CARD10: variants seen among roughly 807,000 people sequenced by gnomAD.
CARD10 encodes the protein caspase recruitment domain family member 10.
Under a neutral mutation model 114.6 loss-of-function variants are expected in CARD10, and 49 were observed. That is an observed-to-expected ratio of 0.43 (90% CI 0.34 to 0.54). The LOEUF is 0.54. Among genes scored for constraint, CARD10 ranks in the 20% least tolerant of loss-of-function variants. The pLI is 0.03. For missense variants in CARD10, 1,206 were observed against 1,397.2 expected (o/e 0.86, Z 2.18); for synonymous variants, 602 against 593.2 (o/e 1.01, Z -0.21).
chr22:37,507,768 T>C lies in CARD10; in HGVS notation c.1191+61A>G, dbSNP rs191498652. ...TTCTAGTCCCCTCCATTGCTCCTTG[T>C]CTCCTCCCATATGGGAAGCAGCAAC... is the stretch of plus-strand genomic sequence containing the variant. On this transcript the variant is annotated intron_variant, in intron 6 of 19. Coordinates refer to ENST00000251973, the MANE Select transcript of CARD10 (RefSeq NM_014550.4). 6 of 1,601,698 alleles carry C rather than the reference T, an allele frequency of 3.7e-6. No individual in the cohort carries two copies. The East Asian group carries it at 8.9e-5, about 24-fold the overall frequency.
In CARD10 at chr22:37,510,358, T is replaced by A. The variant is rs771698026; in HGVS notation, c.763A>T (p.Arg255Trp). 3.7e-6 allele frequency: 6 copies of A among 1,613,358 alleles called. No homozygotes were observed. The South Asian group carries it at 6.6e-5, about 18-fold the overall frequency. The stretch of plus-strand genomic sequence containing the variant: ...TCCTCTGCCCCAGGGGGCGGGCCCC[T>A]GGCCCTTCGAAGCAGTGCACACTCT... The part of the protein sequence containing the change: ...EEECALLRRA[R>W]GPPPGAEEKE... Residue 255 changes from arginine (R) to tryptophan (W), a missense_variant, in exon 4 of 20, where the codon AGG becomes TGG. Transcript: ENST00000251973.
chr22:37,514,405 G>T (rs1350592477), intron 3 of CARD10, among the ~76,000 whole-genome samples: 1 of 152,006 alleles, frequency 6.6e-6, no homozygotes, highest in East Asian at 1.9e-4. Context: ...AGCAGGCCTG[G>T]GACATGTCCC....
chr22:37,519,098 G>T lies in CARD10; in HGVS notation c.103C>A (p.Arg35=). 6.3e-7 allele frequency: 1 copy of T among 1,589,324 alleles called. No homozygotes were observed. Among genetic ancestry groups the T allele is most frequent in the South Asian group, 1.1e-5 (1 of 89,176 alleles). The part of the protein sequence containing the change: ...DALWERIEGV[R]HRLARALNPA... ...TTCAGGGCGCGAGCCAGCCGATGCC[G>T]GACGCCCTCGATTCGCTCCCACAGC... The change falls in exon 1 of 20, where the codon CGG becomes AGG. Residue 35 remains arginine, a synonymous_variant. Transcript: ENST00000251973. This position sits in a 1 kb window ranked among gnomAD's most constrained non-coding sequence, Gnocchi z 4.1.
chr22:37,505,860 C>T (rs1923386712), intron 7 of CARD10, among the ~76,000 whole-genome samples: 1 of 152,080 alleles, frequency 6.6e-6, no homozygotes, highest in Non-Finnish European at 1.5e-5. Flanking sequence ...TCTCTGAGGC[C>T]CAGGTTTTGC....
chr22:37,499,617 C>CT (rs902802340), intron 11 of CARD10, among the ~76,000 whole-genome samples: 1 of 152,078 alleles, frequency 6.6e-6, no homozygotes, highest in Non-Finnish European at 1.5e-5. Flanking sequence ...TTGACAACTC[C>CT]TGCAGCTCCC....
intron 3 of CARD10, among the ~76,000 whole-genome samples, chr22:37,515,403 A>G (rs1923804502): frequency 1.3e-5 from 2 of 151,930 alleles, no homozygotes; most frequent in African/African-American, 4.8e-5. Context: ...TCTCTACTAA[A>G]AATACAAAAA....
intron 6 of CARD10, 86 bp from the exon 7 acceptor site, chr22:37,506,469 AAGG>A: frequency 8.9e-6 from 9 of 1,006,626 alleles, no homozygotes; most frequent in Non-Finnish European, 1.3e-5. Flanking sequence ...TGGGGACAGT[AAGG>A]AGAATGGCAG....
chr22:37,495,421 G>A (rs1178182560), intron 15 of CARD10, 96 bp downstream of exon 15: 3 of 902,312 alleles, frequency 3.3e-6, no homozygotes, highest in Middle Eastern at 3.3e-4. Flanking sequence ...GAGGGAGGGA[G>A]TGTCTTCCTA....
At chr22:37,512,317 A>T (rs985480464) in intron 3 of CARD10, 1 of 152,126 alleles carries the variant, frequency 6.6e-6, no homozygotes, top group Non-Finnish European at 1.5e-5. Context: ...AGGCCATAAA[A>T]TGAAGTCATT....
intron 5 of CARD10, 141 bp downstream of exon 5, chr22:37,508,386 G>T: frequency 2.0e-6 from 2 of 984,372 alleles, no homozygotes; most frequent in Non-Finnish European, 2.9e-6. Context: ...CTAGAAGGGT[G>T]CCTCCGTCAA....
At chr22:37,508,439 G>C (rs778193016) in intron 5 of CARD10, 88 bp downstream of exon 5, 2 of 1,364,098 alleles carry the variant, frequency 1.5e-6, no homozygotes, top group Non-Finnish European at 2.0e-6. Context: ...CGGCGCCTGC[G>C]TCAAGCAGAT....
At position 37,519,159 on chromosome 22, in the gene CARD10, G is replaced by C; in HGVS notation, c.42C>G (p.Ala14=). 6.5e-7 allele frequency: 1 copy of C among 1,540,972 alleles called. No individual in the cohort carries two copies. The highest frequency in any genetic ancestry group is 8.7e-7 in the Non-Finnish European group (1 of 1,149,510). The change falls in exon 1 of 20, where the codon GCC becomes GCG. Residue 14 remains alanine (A), a synonymous_variant. Coordinates refer to ENST00000251973, the MANE Select transcript of CARD10 (RefSeq NM_014550.4). This position sits in a 1 kb window ranked among gnomAD's most constrained non-coding sequence, Gnocchi z 4.1. ...RAEAGEAEEE[A]GAGSGSEAEE... ...CCGCCTCAGACCCCGAGCCGGCCCC[G>C]GCCTCCTCCTCGGCCTCCCCCGCCT...
intron 10 of CARD10, 28 bp downstream of exon 10, chr22:37,503,157 C>A: frequency 6.2e-7 from 1 of 1,609,018 alleles, no homozygotes; most frequent in Non-Finnish European, 8.5e-7. Context: ...CCAGAGGAGC[C>A]CTCCCCACGG....
rs1923690678 is a variant in CARD10 at position 37,512,465 on chromosome 22, C to CA, written c.700-2045_700-2044insT. 1.2e-4 allele frequency among the ~76,000 whole-genome samples: 14 copies of CA among 113,856 alleles called. No homozygotes were observed. The East Asian group carries it at 1.9e-3, about 15-fold the overall frequency. 74.7% of individuals were successfully genotyped at this position (113,856 alleles called of 152,430 possible). A position where few individuals can be genotyped will look rare whatever the true frequency, so the allele number is the denominator to read the frequency against. On this transcript the variant is annotated intron_variant, in intron 3 of 19. Transcript: ENST00000251973. ...AGAGGTTAGAATGGCAGCCCCCCCT[C>CA]CACACACACACACACACACACACAC... is the stretch of plus-strand genomic sequence containing the variant.
chr22:37,515,063 G>C (rs937694922), intron 3 of CARD10, among the ~76,000 whole-genome samples: 12 of 152,208 alleles, frequency 7.9e-5, no homozygotes, highest in Non-Finnish European at 1.6e-4. Context: ...CCGCTTCCTG[G>C]CTCTGTGACC....
At position 37,491,242 on chromosome 22, in the gene CARD10, C is replaced by T. The variant is rs1008908544; in HGVS notation, c.3016G>A (p.Gly1006Ser). ...CGGGCCTGCTCCTGCAGGATGCGGC[C>T]GCGCACCACCTTGGCCAGCTCCTCT... ...HAEELAKVVR[G>S]RILQEQARLV... Residue 1006 changes from glycine to serine, a missense_variant, in exon 20 of 20, where the codon GGC becomes AGC. By Grantham distance (56) the Gly-to-Ser change is moderately conservative. Transcript: ENST00000251973. 58 of 1,566,254 alleles carry T rather than the reference C, an allele frequency of 3.7e-5. No homozygotes were observed. Among genetic ancestry groups the T allele is most frequent in the Non-Finnish European group, 4.7e-5 (54 of 1,160,774 alleles).
intron 2 of CARD10, 39 bp from the exon 3 acceptor site, chr22:37,516,337 G>A (rs1445816825): frequency 2.1e-6 from 3 of 1,452,702 alleles, no homozygotes; most frequent in Admixed American, 2.2e-5. Flanking sequence ...GGCAGCTCAG[G>A]CAAGTAAAAT....
intron 16 of CARD10, among the ~76,000 whole-genome samples, chr22:37,493,612 C>T (rs1442457843): frequency 5.3e-5 from 8 of 152,104 alleles, no homozygotes; most frequent in Admixed American, 2.6e-4. Context: ...AAGGCCCCCG[C>T]GGAAACTCCC....
chr22:37,506,698 T>C (rs1406398899), intron 6 of CARD10, among the ~76,000 whole-genome samples: 1 of 152,060 alleles, frequency 6.6e-6, no homozygotes, highest in Admixed American at 6.6e-5. Flanking sequence ...AACTGAAAAC[T>C]TTTCCACGAG....
Sources: allele counts gnomAD v4.1 joint callset (sites outside exome capture counted in the v4.1 genomes callset), GRCh38; gene constraint gnomAD v4.1.1; non-coding constraint Gnocchi (gnomAD v3.1); transcripts MANE v1.5; gene names NCBI Gene and HGNC (gene_info 2026-07-23, HGNC 2026-07-21).